Variants in SQOR observed in about 807,000 individuals in gnomAD.
The protein encoded by SQOR is sulfide quinone oxidoreductase.
A neutral mutation model predicts 48.6 loss-of-function variants in SQOR; 39 were observed. The observed-to-expected ratio is 0.80, with a 90% CI of 0.62 to 1.05. SQOR has a LOEUF of 1.05. SQOR is among the 50% of genes least tolerant of loss of function. The probability of loss-of-function intolerance (pLI) is 0.00; values close to 1 mark genes in which losing one functional copy is unlikely to be tolerated. For synonymous variants in SQOR, 220 were observed against 206.2 expected (o/e 1.07, Z -0.57); for missense variants, 561 against 559.9 (o/e 1.00, Z -0.02).
At chr15:45,661,289 TTAAAAAAAAA>T (rs1461007530) in intron 2 of SQOR, among the ~76,000 whole-genome samples, 4 of 84,378 alleles carry the variant, frequency 4.7e-5, no homozygotes, top group African/African-American at 1.4e-4. Context: ...AGACTCTGTC[TTAAAAAAAAA>T]AAAAAAAAAA....
chr15:45,667,283 C>T (rs1366960274), intron 3 of SQOR, among the ~76,000 whole-genome samples: 1 of 151,268 alleles, frequency 6.6e-6, no homozygotes, highest in African/African-American at 2.4e-5. Context: ...GCTGGGACTA[C>T]AGGCACACAC....
upstream of SQOR, among the ~76,000 whole-genome samples, chr15:45,634,091 G>A (rs1441335709): frequency 6.7e-6 from 1 of 150,252 alleles, no homozygotes; most frequent in Non-Finnish European, 1.5e-5. Context: ...CACCAGAATT[G>A]GTTGAACCCA....
intron 7 of SQOR, among the ~76,000 whole-genome samples, chr15:45,684,099 G>A (rs1012091980): frequency 3.9e-5 from 6 of 152,086 alleles, no homozygotes; most frequent in African/African-American, 1.4e-4. Context: ...TTTTAGTAGA[G>A]ATGGGGTTTC....
intron 1 of SQOR, among the ~76,000 whole-genome samples, chr15:45,644,166 C>T (rs1386261819): frequency 6.6e-6 from 1 of 152,110 alleles, no homozygotes; most frequent in African/African-American, 2.4e-5. Context: ...CGGCTCACTG[C>T]AACCTCTGCC....
At chr15:45,682,748 C>T in intron 7 of SQOR, 87 bp downstream of exon 7, 1 of 1,481,600 alleles carries the variant, frequency 6.7e-7, no homozygotes, top group Admixed American at 1.8e-5. Context: ...TTGGCATCGG[C>T]CAGAGACGGT....
chr15:45,662,289 G>T (rs182420793), intron 3 of SQOR, among the ~76,000 whole-genome samples, 164 bp downstream of exon 3: 3 of 152,346 alleles, frequency 2.0e-5, no homozygotes, highest in Admixed American at 6.5e-5. Context: ...TATGTGGTAA[G>T]TGGAGGATAG....
intron 2 of SQOR, among the ~76,000 whole-genome samples, chr15:45,661,287 TC>T (rs1889712982): frequency 2.5e-5 from 1 of 39,910 alleles, no homozygotes; most frequent in South Asian, 1.0e-3. Flanking sequence ...CGAGACTCTG[TC>T]TTAAAAAAAA....
At chr15:45,683,678 C>A (rs1890164412) in intron 7 of SQOR, among the ~76,000 whole-genome samples, 1 of 151,918 alleles carries the variant, frequency 6.6e-6, no homozygotes. Flanking sequence ...GTGTCTTTTT[C>A]ATTATTAATA....
At chr15:45,676,906 T>C (rs1366633104) in intron 6 of SQOR, among the ~76,000 whole-genome samples, 1 of 152,072 alleles carries the variant, frequency 6.6e-6, no homozygotes, top group Non-Finnish European at 1.5e-5. Context: ...CTGGGCGTGG[T>C]GGCACATCCC....
upstream of SQOR, chr15:45,631,365 C>T (rs1372829077): frequency 3.3e-5 from 5 of 152,386 alleles, no homozygotes; most frequent in Non-Finnish European, 7.3e-5. Context: ...GGATGAAACA[C>T]CATGTGATGC....
intron 3 of SQOR, among the ~76,000 whole-genome samples, chr15:45,669,540 GT>G (rs1336816939): frequency 1.3e-5 from 2 of 152,186 alleles, no homozygotes; most frequent in Admixed American, 6.5e-5. Flanking sequence ...ATGAAAAAGT[GT>G]TAATACAAGC....
chr15:45,686,484 C>T (rs886948873), intron 7 of SQOR, among the ~76,000 whole-genome samples: 6 of 152,122 alleles, frequency 3.9e-5, no homozygotes, highest in Non-Finnish European at 5.9e-5. Flanking sequence ...GTTGTTTACT[C>T]TTCATTTTTG....
At position 45,688,959 on chromosome 15, in the gene SQOR, G is replaced by C. The variant is rs1281856697; in HGVS notation, c.1117-80G>C. 27 of 1,168,370 alleles carry C rather than the reference G, an allele frequency of 2.3e-5. No homozygotes were observed. The Admixed American group carries it at 6.5e-4, about 28-fold the overall frequency. 72.4% of individuals were successfully genotyped at this position (1,168,370 alleles called of 1,614,324 possible). A position where few individuals can be genotyped will look rare whatever the true frequency, so the allele number is the denominator to read the frequency against. On this transcript the variant is annotated intron_variant, in intron 8 of 9. Transcript: ENST00000260324. ...AAGAAAAAATATATAAGCACTCACA[G>C]CAAATAATAAATTCTATAGTGTTAA...
At chr15:45,661,484 A>G (rs1025468612) in intron 2 of SQOR, among the ~76,000 whole-genome samples, 2 of 152,090 alleles carry the variant, frequency 1.3e-5, no homozygotes. Flanking sequence ...TGGGAAACAC[A>G]GTTGGAAGTT....
chr15:45,647,164 G>A (rs56289144), intron 1 of SQOR, among the ~76,000 whole-genome samples: 2,538 of 151,838 alleles, frequency 0.017, 40 homozygotes, highest in Middle Eastern at 0.061. Context: ...CAGGAGAATC[G>A]CTTGAATCCG....
intron 3 of SQOR, among the ~76,000 whole-genome samples, chr15:45,669,138 A>AATATATATTTTTTAT (rs1168295462): frequency 6.7e-6 from 1 of 148,742 alleles, no homozygotes; most frequent in Non-Finnish European, 1.5e-5. Flanking sequence ...ACAATATACT[A>AATATATATTTTTTAT]ATATATATTT....
chr15:45,676,236 A>T lies in SQOR; in HGVS notation c.790A>T (p.Ile264Phe). 6.2e-7 allele frequency: 1 copy of T among 1,614,138 alleles called. No individual in the cohort carries two copies. The change falls in exon 6 of 10, where the codon ATT (isoleucine) becomes TTT (phenylalanine). Residue 264 changes from isoleucine (I) to phenylalanine (F), a missense_variant. Ile to Phe is a conservative substitution (Grantham distance 21, BLOSUM62 0). Coordinates refer to ENST00000260324, the MANE Select transcript of SQOR (RefSeq NM_021199.4). ...CACTGTTAACTACAAGAAAAACCTC[A>T]TTGAAGTCCGAGCCGATAAACAAGA... The part of the protein sequence containing the change: ...NLTVNYKKNL[I>F]EVRADKQEAV...
intron 1 of SQOR, among the ~76,000 whole-genome samples, chr15:45,641,604 G>A (rs1895105138): frequency 6.6e-6 from 1 of 152,318 alleles, no homozygotes; most frequent in African/African-American, 2.4e-5. Flanking sequence ...TTTGTTAACA[G>A]TATAGTAATC....
chr15:45,683,018 C>G (rs865798766), intron 7 of SQOR, among the ~76,000 whole-genome samples: 61 of 124,748 alleles, frequency 4.9e-4, no homozygotes, highest in African/African-American at 1.5e-3. Flanking sequence ...CAGAGCAAGG[C>G]TTCATCTCAA....
Sources: gnomAD v4.1 joint callset for allele counts (sites outside exome capture counted in the v4.1 genomes callset) on GRCh38, gnomAD v4.1.1 for gene constraint, MANE v1.5 for transcripts, NCBI Gene and HGNC (gene_info 2026-07-23, HGNC 2026-07-21) for gene names.